TAS2R1: variants seen among roughly 807,000 people sequenced by gnomAD.
TAS2R1 encodes taste receptor type 2 member 1.
For synonymous variants in TAS2R1, 141 were observed against 134.2 expected (o/e 1.05, Z -0.35); for missense variants, 370 against 353.4 (o/e 1.05, Z -0.38).
intron 1 of TAS2R1, among the ~76,000 whole-genome samples, chr5:9,677,554 G>A (rs538853735): frequency 1.3e-5 from 2 of 151,954 alleles, no homozygotes; most frequent in East Asian, 3.9e-4. Context: ...CAAACCAAAG[G>A]CAAACAAGCA....
At chr5:9,685,707 T>G (rs2126513551) in intron 1 of TAS2R1, among the ~76,000 whole-genome samples, 1 of 152,294 alleles carries the variant, frequency 6.6e-6, no homozygotes, top group East Asian at 1.9e-4. Context: ...CATGCTCCAG[T>G]GTATGGCACA....
At chr5:9,816,739 C>CTT in the TAS2R1 span, among the ~76,000 whole-genome samples, 1 of 152,072 alleles carries the variant, frequency 6.6e-6, no homozygotes, top group East Asian at 1.9e-4. Context: ...CACAAGCAAG[C>CTT]ATGAAAACTA....
chr5:9,867,331 T>G, the TAS2R1 span: 1 of 152,198 alleles, frequency 6.6e-6, no homozygotes, highest in Non-Finnish European at 1.5e-5. Context: ...AGGTAATTTA[T>G]AAAGGAAAGA....
In TAS2R1 at chr5:9,704,572, T is replaced by TA. The variant is rs150969827; in HGVS notation, c.-242+7599dup. 7.2e-3 allele frequency among the ~76,000 whole-genome samples: 1,092 copies of TA among 152,092 alleles called. 11 individuals are homozygous for TA. The highest frequency in any genetic ancestry group is 0.025 in the African/African-American group (1,052 of 41,498). On this transcript the variant is annotated intron_variant, in intron 1 of 2. Transcript: ENST00000506620. ...GCAGATTTTTTAAGAAGCAGAAACATACAGATTTCAAAAAGGATAAGGAAA... is the reference window on the plus strand; with the variant it reads ...GCAGATTTTTTAAGAAGCAGAAACATAACAGATTTCAAAAAGGATAAGGAAA...
At chr5:9,712,563 C>G (rs1734710351), upstream of TAS2R1, among the ~76,000 whole-genome samples, 1 of 152,180 alleles carries the variant, frequency 6.6e-6, no homozygotes, top group Non-Finnish European at 1.5e-5. Context: ...ATACAGAAAG[C>G]CTGCCTGAGT....
At chr5:9,768,172 C>T in the TAS2R1 span, among the ~76,000 whole-genome samples, 1 of 151,756 alleles carries the variant, frequency 6.6e-6, no homozygotes, top group Admixed American at 6.6e-5. Context: ...AGACTGTGCA[C>T]TCTCTCTGTC....
At chr5:9,768,462 G>A in the TAS2R1 span, among the ~76,000 whole-genome samples, 6 of 152,084 alleles carry the variant, frequency 3.9e-5, no homozygotes, top group South Asian at 2.1e-4. Context: ...CTAGGTCAGC[G>A]CTGCTTTCCC....
At chr5:9,818,631 G>A in the TAS2R1 span, among the ~76,000 whole-genome samples, 1 of 152,180 alleles carries the variant, frequency 6.6e-6, no homozygotes, top group Non-Finnish European at 1.5e-5. Flanking sequence ...ATCCAGCACA[G>A]CATGCTTCAA....
chr5:9,725,427 T>C, the TAS2R1 span, among the ~76,000 whole-genome samples: 4 of 152,172 alleles, frequency 2.6e-5, no homozygotes, highest in Admixed American at 2.6e-4. Flanking sequence ...CTGCTGGCCC[T>C]GCTGGCCCTG....
the TAS2R1 span, among the ~76,000 whole-genome samples, chr5:9,759,470 C>T: frequency 6.6e-6 from 1 of 152,272 alleles, no homozygotes; most frequent in East Asian, 1.9e-4. Context: ...TGGCCCCCTT[C>T]CCAGATACAC....
At chr5:9,747,271 T>G in the TAS2R1 span, among the ~76,000 whole-genome samples, 1 of 152,094 alleles carries the variant, frequency 6.6e-6, no homozygotes, top group Non-Finnish European at 1.5e-5. Flanking sequence ...CTGAAGGGTG[T>G]TAAAGAGGGG....
chr5:9,859,096 A>C, the TAS2R1 span, among the ~76,000 whole-genome samples: 1 of 152,190 alleles, frequency 6.6e-6, no homozygotes, highest in Non-Finnish European at 1.5e-5. Flanking sequence ...CTCCCAGCTC[A>C]AGAACTTTTT....
the TAS2R1 span, among the ~76,000 whole-genome samples, chr5:9,731,925 C>T: frequency 2.5e-3 from 385 of 152,338 alleles, 2 homozygotes; most frequent in African/African-American, 8.4e-3. Context: ...TTATGGTTAA[C>T]GCTGTGCTAA....
the TAS2R1 span, among the ~76,000 whole-genome samples, chr5:9,726,233 A>T: frequency 1.3e-5 from 2 of 151,618 alleles, no homozygotes; most frequent in African/African-American, 2.4e-5. Context: ...GTATCTAGCT[A>T]CTCTGGTGGG....
At chr5:9,753,170 G>A in the TAS2R1 span, among the ~76,000 whole-genome samples, 1 of 152,208 alleles carries the variant, frequency 6.6e-6, no homozygotes, top group Non-Finnish European at 1.5e-5. Flanking sequence ...CACCAACAGT[G>A]TAAAATTGTT....
At chr5:9,689,790 A>G (rs1199620636) in intron 1 of TAS2R1, among the ~76,000 whole-genome samples, 4 of 152,164 alleles carry the variant, frequency 2.6e-5, no homozygotes, top group Admixed American at 2.0e-4. Context: ...CAAAATTTTC[A>G]TAAATCTTAT....
chr5:9,757,254 AAC>A, the TAS2R1 span, among the ~76,000 whole-genome samples: 1 of 152,186 alleles, frequency 6.6e-6, no homozygotes, highest in African/African-American at 2.4e-5. Flanking sequence ...CATAGTGTGG[AAC>A]AAATTGACTT....
At chr5:9,721,996 A>C in the TAS2R1 span, among the ~76,000 whole-genome samples, 11 of 152,332 alleles carry the variant, frequency 7.2e-5, no homozygotes, top group African/African-American at 2.4e-4. Flanking sequence ...CCAGTAACTT[A>C]ACTTGCTACT....
At chr5:9,672,554 G>C (rs1463101892) in intron 1 of TAS2R1, among the ~76,000 whole-genome samples, 1 of 152,020 alleles carries the variant, frequency 6.6e-6, no homozygotes, top group East Asian at 1.9e-4. Context: ...CTAATAATTA[G>C]ACAAATGCAA....
Sources: allele counts gnomAD v4.1 joint callset (sites outside exome capture counted in the v4.1 genomes callset), GRCh38; gene constraint gnomAD v4.1.1; transcripts MANE v1.5; gene names NCBI Gene and HGNC (gene_info 2026-07-23, HGNC 2026-07-21).